The following MAML3 variants were observed in gnomAD, a reference collection of about 807,000 sequenced individuals.
MAML3 encodes the protein mastermind like transcriptional coactivator 3.
Under a neutral mutation model 101.9 loss-of-function variants are expected in MAML3, and 27 were observed. The ratio of observed to expected loss-of-function variants is 0.27; its 90% CI spans 0.20 to 0.37. The LOEUF (loss-of-function observed/expected upper bound fraction) is 0.37, where lower values mean the gene tolerates loss of function less well. Among genes scored for constraint, MAML3 ranks in the 10% least tolerant of loss-of-function variants. MAML3 has a pLI of 1.00. For synonymous variants in MAML3, 501 were observed against 555.9 expected (o/e 0.90, Z 1.39); for missense variants, 1,316 against 1,444.9 (o/e 0.91, Z 1.45).
At chr4:139,851,150 C>T (rs184859385) in intron 2 of MAML3, among the ~76,000 whole-genome samples, 3 of 152,346 alleles carry the variant, frequency 2.0e-5, no homozygotes, top group South Asian at 2.1e-4. Context: ...TATAATCTTA[C>T]AGCCTTCTTT....
intron 2 of MAML3, 86 bp downstream of exon 2, chr4:139,889,271 C>G (rs997860356): frequency 6.2e-7 from 1 of 1,610,620 alleles, no homozygotes; most frequent in Non-Finnish European, 8.5e-7. Flanking sequence ...GACCCCACTA[C>G]AGTGGAAGCT....
intron 2 of MAML3, among the ~76,000 whole-genome samples, chr4:139,788,135 G>T (rs984551850): frequency 1.3e-5 from 2 of 152,178 alleles, no homozygotes; most frequent in African/African-American, 4.8e-5. Context: ...TCTGTGCTGA[G>T]AATAAATGAT....
chr4:139,882,957 T>C (rs1343014016), intron 2 of MAML3, among the ~76,000 whole-genome samples: 3 of 152,192 alleles, frequency 2.0e-5, no homozygotes, highest in African/African-American at 7.2e-5. Flanking sequence ...CAAAAATTGG[T>C]TCCATAGGAA....
intron 2 of MAML3, among the ~76,000 whole-genome samples, chr4:139,836,783 C>G (rs1731261144): frequency 6.6e-6 from 1 of 152,154 alleles, no homozygotes; most frequent in Admixed American, 6.5e-5. Flanking sequence ...TTGGCTATTT[C>G]TCTTAGACAG....
chr4:140,005,767 A>G (rs1037435153), intron 1 of MAML3, among the ~76,000 whole-genome samples: 3 of 152,178 alleles, frequency 2.0e-5, no homozygotes, highest in African/African-American at 7.2e-5. Flanking sequence ...TAGGTTTTTG[A>G]AAAAAATATT....
rs574143174 is a variant in MAML3, at chr4:140,106,965, G to A, written c.468+45895C>T. Among the ~76,000 whole-genome samples the A allele has an allele frequency of 2.0e-5, 3 of 152,056 alleles. No homozygotes were observed. The South Asian group carries it at 6.2e-4, about 32-fold the overall frequency. ...GGCTCACTGCAACCTCTGCCTCCTG[G>A]GTTCAAGCGATTCTCCAGCCTCAGT... On this transcript the variant is annotated intron_variant, in intron 1 of 4. Coordinates refer to ENST00000509479, the MANE Select transcript of MAML3 (RefSeq NM_018717.5).
chr4:139,982,002 G>C (rs1444482749), intron 1 of MAML3, among the ~76,000 whole-genome samples: 1 of 152,072 alleles, frequency 6.6e-6, no homozygotes, highest in East Asian at 1.9e-4. Flanking sequence ...CTTCTTTTCC[G>C]CCTCCTTTTT....
At chr4:140,145,902 TTACTC>T (rs1729055093) in intron 1 of MAML3, among the ~76,000 whole-genome samples, 1 of 42,762 alleles carries the variant, frequency 2.3e-5, no homozygotes, top group African/African-American at 7.6e-5. Flanking sequence ...AGAAGGATTT[TTACTC>T]TTGTTGCCCA....
intron 1 of MAML3, among the ~76,000 whole-genome samples, chr4:140,032,665 G>A (rs1240777405): frequency 1.3e-5 from 2 of 152,012 alleles, no homozygotes; most frequent in African/African-American, 4.8e-5. Context: ...TTTCTGAAGG[G>A]CATTTGGCAG....
intron 2 of MAML3, among the ~76,000 whole-genome samples, chr4:139,777,958 C>T (rs1353807010): frequency 1.3e-5 from 2 of 152,140 alleles, no homozygotes; most frequent in South Asian, 2.1e-4. Flanking sequence ...CACTCTTGAC[C>T]TAGCTCTTCC....
At chr4:139,797,635 C>G (rs1001493967) in intron 2 of MAML3, among the ~76,000 whole-genome samples, 3 of 152,030 alleles carry the variant, frequency 2.0e-5, no homozygotes, top group South Asian at 2.1e-4. Context: ...TTCACTTTTT[C>G]AGAAATACAT....
intron 2 of MAML3, among the ~76,000 whole-genome samples, chr4:139,803,589 A>G (rs1204654172): frequency 6.6e-6 from 1 of 152,116 alleles, no homozygotes; most frequent in Non-Finnish European, 1.5e-5. Flanking sequence ...GAAGGATGAC[A>G]TGTTTGGTGT....
At chr4:139,942,484 C>T (rs1281473709) in intron 1 of MAML3, among the ~76,000 whole-genome samples, 1 of 152,192 alleles carries the variant, frequency 6.6e-6, no homozygotes, top group Non-Finnish European at 1.5e-5. Context: ...TCCAGAGGAA[C>T]TGGAGCAGAC....
At chr4:140,096,335 C>T (rs998312315) in intron 1 of MAML3, among the ~76,000 whole-genome samples, 1 of 152,120 alleles carries the variant, frequency 6.6e-6, no homozygotes, top group Non-Finnish European at 1.5e-5. Flanking sequence ...AAACAGTTCT[C>T]GATGAGTCAC....
chr4:140,000,795 A>G (rs1020739652), intron 1 of MAML3, among the ~76,000 whole-genome samples: 2 of 152,202 alleles, frequency 1.3e-5, no homozygotes, highest in African/African-American at 4.8e-5. Context: ...TGGGAGGCCG[A>G]GGTGGGTGGA....
chr4:140,093,184 A>C (rs578091510), intron 1 of MAML3, among the ~76,000 whole-genome samples: 1 of 152,326 alleles, frequency 6.6e-6, no homozygotes, highest in South Asian at 2.1e-4. Flanking sequence ...ATATCTAAAA[A>C]TTATATTTGC....
chr4:140,003,183 G>A (rs1000554833), intron 1 of MAML3, among the ~76,000 whole-genome samples: 21 of 152,162 alleles, frequency 1.4e-4, no homozygotes, highest in Admixed American at 7.2e-4. Flanking sequence ...ATGGCACGAG[G>A]ACTTCACCTC....
chr4:139,824,709 T>C (rs764139144), intron 2 of MAML3, among the ~76,000 whole-genome samples: 6 of 152,136 alleles, frequency 3.9e-5, no homozygotes, highest in Non-Finnish European at 7.3e-5. Flanking sequence ...ACCTAGCAAA[T>C]TAATCTATTT....
At chr4:139,865,755 G>A (rs1360971220) in intron 2 of MAML3, among the ~76,000 whole-genome samples, 3 of 152,190 alleles carry the variant, frequency 2.0e-5, no homozygotes, top group Non-Finnish European at 4.4e-5. Flanking sequence ...TCCTGAGCTG[G>A]CCTCAGCCTT....
Sources: gnomAD v4.1 joint callset for allele counts (sites outside exome capture counted in the v4.1 genomes callset) on GRCh38, gnomAD v4.1.1 for gene constraint, MANE v1.5 for transcripts, NCBI Gene and HGNC (gene_info 2026-07-23, HGNC 2026-07-21) for gene names.